Variants in FOXP2 observed in about 807,000 individuals in gnomAD.
The protein encoded by FOXP2 is forkhead box P2.
FOXP2 carries 12 observed loss-of-function variants against 115.8 expected under a neutral mutation model. That is an observed-to-expected ratio of 0.10 (90% confidence interval 0.07 to 0.17). FOXP2 has a LOEUF of 0.17. Ranked by LOEUF, FOXP2 falls within the 10% of genes least tolerant of loss-of-function variation. The pLI is 1.00. For missense variants in FOXP2, 629 were observed against 843.5 expected (o/e 0.75, Z 3.15); for synonymous variants, 328 against 297.7 (o/e 1.10, Z -1.05).
intron 3 of FOXP2, among the ~76,000 whole-genome samples, chr7:114,556,858 TAC>T (rs1163881554): frequency 6.6e-6 from 1 of 152,232 alleles, no homozygotes; most frequent in Non-Finnish European, 1.5e-5. Flanking sequence ...GAATATCAGA[TAC>T]AGTGAGATTT....
intron 3 of FOXP2, chr7:114,538,501 A>G (rs1440035055): frequency 5.7e-6 from 3 of 528,254 alleles, no homozygotes; most frequent in Non-Finnish European, 9.0e-6. Flanking sequence ...TAATTGAATT[A>G]TAAAATTTTT....
chr7:114,291,121 A>G (rs973861384), intron 2 of FOXP2, among the ~76,000 whole-genome samples: 2 of 152,164 alleles, frequency 1.3e-5, no homozygotes, highest in Non-Finnish European at 2.9e-5. Context: ...AATGGATTAT[A>G]AACAGAAATT....
intron 1 of FOXP2, among the ~76,000 whole-genome samples, chr7:114,205,731 A>G (rs1794183698): frequency 6.6e-6 from 1 of 152,202 alleles, no homozygotes; most frequent in African/African-American, 2.4e-5. Flanking sequence ...GAGGCCTCAC[A>G]GACCTCATGG....
rs753451758 is a variant in FOXP2, at chr7:114,534,707, G to T, written c.258+1G>T. 1.2e-6 allele frequency: 2 copies of T among 1,609,366 alleles called. No homozygotes were observed. Among genetic ancestry groups the T allele is most frequent in the Non-Finnish European group, 1.7e-6 (2 of 1,176,306 alleles). On this transcript the variant is annotated splice_donor_variant, in intron 3 of 16. Coordinates refer to ENST00000350908, the MANE Select transcript of FOXP2 (RefSeq NM_014491.4). LOFTEE classifies it high-confidence loss of function. The stretch of plus-strand genomic sequence containing the variant: ...CAGTGATAAACAGAGACCACTGCAG[G>T]TTAGTAAAGCACTCCTGTCCTTGGG...
intron 1 of FOXP2, among the ~76,000 whole-genome samples, chr7:114,278,792 C>T (rs1229065549): frequency 2.6e-5 from 4 of 152,156 alleles, no homozygotes; most frequent in African/African-American, 9.7e-5. Flanking sequence ...TCTCACCCAA[C>T]CTCAGCTCCT....
At chr7:114,525,713 C>T (rs1191110539) in intron 2 of FOXP2, among the ~76,000 whole-genome samples, 2 of 152,198 alleles carry the variant, frequency 1.3e-5, no homozygotes, top group African/African-American at 2.4e-5. Flanking sequence ...GTCCTCCCAT[C>T]TCTTCAGCCT....
intron 16 of FOXP2, among the ~76,000 whole-genome samples, chr7:114,680,283 T>A (rs1808016120): frequency 6.6e-6 from 1 of 152,228 alleles, no homozygotes. Flanking sequence ...CGATTAAATT[T>A]GAAGTCTTCT....
At chr7:114,176,855 A>G (rs1793329596) in intron 1 of FOXP2, among the ~76,000 whole-genome samples, 1 of 152,140 alleles carries the variant, frequency 6.6e-6, no homozygotes, top group South Asian at 2.1e-4. Context: ...TTTAGTTACT[A>G]TCTTCCAGTC....
At chr7:114,675,117 C>T (rs1807688163) in intron 16 of FOXP2, among the ~76,000 whole-genome samples, 1 of 152,024 alleles carries the variant, frequency 6.6e-6, no homozygotes, top group African/African-American at 2.4e-5. Flanking sequence ...TCATTTCAAC[C>T]TGGCTTCACA....
chr7:114,284,902 T>G (rs1044266601), intron 1 of FOXP2, among the ~76,000 whole-genome samples: 3 of 152,130 alleles, frequency 2.0e-5, no homozygotes, highest in African/African-American at 7.2e-5. Flanking sequence ...CTGGAGGCCA[T>G]TATCCTTAGC....
intron 6 of FOXP2, among the ~76,000 whole-genome samples, chr7:114,640,652 C>T (rs1805472823): frequency 6.6e-6 from 1 of 152,122 alleles, no homozygotes; most frequent in Non-Finnish European, 1.5e-5. Context: ...TGTTATCTTG[C>T]CCCATCTCCC....
rs1046253586 is a variant in FOXP2, at chr7:114,311,386, C to T, written c.-11+23277C>T. Among the ~76,000 whole-genome samples the T allele has an allele frequency of 2.6e-5, 4 of 152,128 alleles. No individual in the cohort carries two copies. The East Asian group carries it at 5.8e-4, about 22-fold the overall frequency. ...TCTGTGGGTCTTGGCCTCTTGCTAG[C>T]TGTCACAGCAGGAGGGTGGCTTTGT... On this transcript the variant is annotated intron_variant, in intron 2 of 17. Transcript: ENST00000634411.
At chr7:114,468,534 C>T (rs1795909666) in intron 2 of FOXP2, among the ~76,000 whole-genome samples, 1 of 152,078 alleles carries the variant, frequency 6.6e-6, no homozygotes, top group South Asian at 2.1e-4. Flanking sequence ...CTCTAGCAAT[C>T]CTGCTTGTAG....
At chr7:114,292,970 A>T (rs1268837833) in intron 2 of FOXP2, among the ~76,000 whole-genome samples, 1 of 152,208 alleles carries the variant, frequency 6.6e-6, no homozygotes, top group South Asian at 2.1e-4. Context: ...TGAAATATAT[A>T]CCTCGAATAA....
intron 1 of FOXP2, among the ~76,000 whole-genome samples, chr7:114,228,559 C>T (rs1794797886): frequency 6.6e-6 from 1 of 151,806 alleles, no homozygotes; most frequent in Non-Finnish European, 1.5e-5. Context: ...AAAGAAATTG[C>T]AGCATGAAGA....
intron 1 of FOXP2, among the ~76,000 whole-genome samples, chr7:114,139,979 G>T (rs1209728319): frequency 1.3e-5 from 2 of 152,036 alleles, no homozygotes; most frequent in Non-Finnish European, 2.9e-5. Context: ...CAAGCGTGGT[G>T]GCAGGCGCCT....
chr7:114,252,350 T>C (rs1041552265), intron 1 of FOXP2, among the ~76,000 whole-genome samples: 11 of 152,212 alleles, frequency 7.2e-5, no homozygotes, highest in Non-Finnish European at 1.5e-4. Context: ...TTGATTGGAA[T>C]AGTTTCAGAA....
chr7:114,434,854 G>A (rs1254104816), intron 2 of FOXP2, among the ~76,000 whole-genome samples: 1 of 151,986 alleles, frequency 6.6e-6, no homozygotes, highest in Non-Finnish European at 1.5e-5. Context: ...TAATTTTATT[G>A]ATGATAAAAT....
chr7:114,582,261 A>C (rs894143830), intron 3 of FOXP2, among the ~76,000 whole-genome samples: 4 of 152,224 alleles, frequency 2.6e-5, no homozygotes, highest in Admixed American at 1.3e-4. Context: ...AAAGATGAGC[A>C]AACTCATAGT....
Sources: gnomAD v4.1 joint callset for allele counts (sites outside exome capture counted in the v4.1 genomes callset) on GRCh38, gnomAD v4.1.1 for gene constraint, MANE v1.5 for transcripts, NCBI Gene and HGNC (gene_info 2026-07-23, HGNC 2026-07-21) for gene names.